Variants in CTNNA2 observed in about 807,000 individuals in gnomAD.
CTNNA2 encodes catenin alpha-2.
In CTNNA2, 42 loss-of-function variants were observed where a neutral mutation model predicts 101.0. That is an observed-to-expected ratio of 0.42 (90% CI 0.32 to 0.54). CTNNA2 has a LOEUF of 0.54. Among genes scored for constraint, CTNNA2 ranks in the 20% least tolerant of loss-of-function variants. The pLI is 0.14. For synonymous variants in CTNNA2, 450 were observed against 456.4 expected (o/e 0.99, Z 0.18); for missense variants, 871 against 1,223.1 (o/e 0.71, Z 4.29).
At chr2:79,540,127 A>G (rs1282560531) in intron 1 of CTNNA2, among the ~76,000 whole-genome samples, 1 of 152,164 alleles carries the variant, frequency 6.6e-6, no homozygotes, top group Non-Finnish European at 1.5e-5. Flanking sequence ...ATGAAAGAAT[A>G]ATTAAACTTA....
At chr2:80,182,384 T>C (rs891811372) in intron 7 of CTNNA2, among the ~76,000 whole-genome samples, 2 of 152,214 alleles carry the variant, frequency 1.3e-5, no homozygotes, top group African/African-American at 4.8e-5. Flanking sequence ...TGCTGGCAGC[T>C]AATTAAATGT....
At chr2:80,535,110 T>C (rs191267420) in intron 9 of CTNNA2, among the ~76,000 whole-genome samples, 34 of 152,326 alleles carry the variant, frequency 2.2e-4, no homozygotes, top group African/African-American at 8.2e-4. Context: ...AGGGGTAAAC[T>C]ACGCAAGTGA....
At chr2:79,535,156 C>T (rs934029126) in intron 1 of CTNNA2, among the ~76,000 whole-genome samples, 1 of 151,916 alleles carries the variant, frequency 6.6e-6, no homozygotes, top group Non-Finnish European at 1.5e-5. Flanking sequence ...GAGCTCTTAT[C>T]AGTCAATAAA....
chr2:80,048,493 A>G (rs1013778772), intron 7 of CTNNA2, among the ~76,000 whole-genome samples: 1 of 152,206 alleles, frequency 6.6e-6, no homozygotes, highest in Admixed American at 6.5e-5. Flanking sequence ...AGAAAATGAG[A>G]GTCAGCATAA....
At chr2:80,533,942 A>G (rs772103690) in intron 9 of CTNNA2, among the ~76,000 whole-genome samples, 3 of 152,160 alleles carry the variant, frequency 2.0e-5, no homozygotes, top group Non-Finnish European at 4.4e-5. Context: ...GCATTAGGTG[A>G]TGCTTTATTG....
chr2:80,261,946 C>T (rs1195633568), intron 7 of CTNNA2, among the ~76,000 whole-genome samples: 2 of 152,114 alleles, frequency 1.3e-5, no homozygotes. Context: ...AATGTGGTGA[C>T]ATCTGCAAAG....
In CTNNA2 at chr2:79,416,264, T is replaced by TTTTTTC. The variant is rs1558662099; in HGVS notation, c.-135+42256_-135+42257insCTTTTT. 9.2e-3 allele frequency among the ~76,000 whole-genome samples: 1,245 copies of TTTTTTC among 135,080 alleles called. 28 individuals carry two copies. The highest frequency in any genetic ancestry group is 0.034 in the African/African-American group (1,178 of 34,858). The allele number at this position is 135,080 out of a possible 152,430, so 88.6% of individuals were successfully genotyped here. A position where few individuals can be genotyped will look rare whatever the true frequency, so the allele number is the denominator to read the frequency against. ...GTCTTCTTCTTTCCTTTTCTTTTTT[T>TTTTTTC]TTTTTTTTTTTTTTTTTGGCCAATA... On this transcript the variant is annotated intron_variant, in intron 4 of 21. Coordinates refer to the CTNNA2 transcript ENST00000466387.
chr2:79,863,581 A>G (rs1431447120), intron 4 of CTNNA2, among the ~76,000 whole-genome samples: 1 of 152,222 alleles, frequency 6.6e-6, no homozygotes, highest in Non-Finnish European at 1.5e-5. Flanking sequence ...AGTCATTTAA[A>G]CAGGGAACAT....
At chr2:79,768,560 A>C (rs1462822765) in intron 3 of CTNNA2, among the ~76,000 whole-genome samples, 1 of 151,822 alleles carries the variant, frequency 6.6e-6, no homozygotes, top group Non-Finnish European at 1.5e-5. Context: ...CACAGTAAAT[A>C]TTTAATAACT....
chr2:79,469,198 T>C (rs1364705583), intron 4 of CTNNA2, among the ~76,000 whole-genome samples: 2 of 151,914 alleles, frequency 1.3e-5, no homozygotes, highest in Admixed American at 6.6e-5. Context: ...AAAGAGGATA[T>C]CACCTCTGAT....
chr2:80,608,178 T>C lies in CTNNA2; in HGVS notation c.2296-6T>C. On this transcript the variant is annotated splice_polypyrimidine_tract_variant and splice_region_variant and intron_variant, in intron 16 of 18. Coordinates refer to ENST00000402739, the MANE Select transcript of CTNNA2 (RefSeq NM_001282597.3). Reference sequence around the variant, plus strand: ...TAATCAAGATCACTCTTTTAATGTTTTATAGTGTCCTGATTCAGCATGTAA... The same window carrying C: ...TAATCAAGATCACTCTTTTAATGTTCTATAGTGTCCTGATTCAGCATGTAA... The C allele has an allele frequency of 6.2e-7, 1 of 1,605,802 alleles. No homozygotes were observed. Among genetic ancestry groups the C allele is most frequent in the Non-Finnish European group, 8.5e-7 (1 of 1,174,198 alleles).
chr2:79,795,923 T>C (rs949274975), intron 3 of CTNNA2, among the ~76,000 whole-genome samples: 2 of 152,178 alleles, frequency 1.3e-5, no homozygotes, highest in Non-Finnish European at 2.9e-5. Flanking sequence ...GAGTTCCTAG[T>C]ATTTGGACTC....
chr2:80,217,528 C>G (rs1708342168), intron 7 of CTNNA2, among the ~76,000 whole-genome samples: 1 of 152,082 alleles, frequency 6.6e-6, no homozygotes, highest in Admixed American at 6.6e-5. Flanking sequence ...TTGAGTGACA[C>G]TGAAAGCCCA....
chr2:79,695,756 G>T (rs1304402562), intron 2 of CTNNA2, among the ~76,000 whole-genome samples: 1 of 152,020 alleles, frequency 6.6e-6, no homozygotes, highest in Non-Finnish European at 1.5e-5. Context: ...GTTAATGGAG[G>T]TTAGAGAGGG....
intron 3 of CTNNA2, among the ~76,000 whole-genome samples, chr2:79,816,604 C>T (rs537857656): frequency 2.6e-5 from 4 of 152,150 alleles, no homozygotes; most frequent in African/African-American, 7.2e-5. Context: ...AGATCAACCC[C>T]GAGGCCATGG....
At chr2:79,969,781 G>A (rs1690345564) in intron 7 of CTNNA2, among the ~76,000 whole-genome samples, 1 of 147,154 alleles carries the variant, frequency 6.8e-6, no homozygotes, top group African/African-American at 2.7e-5. Context: ...TTATCTCTGT[G>A]TGTGATCAAT....
intron 2 of CTNNA2, among the ~76,000 whole-genome samples, chr2:79,259,762 G>A (rs1189471932): frequency 1.3e-5 from 2 of 152,088 alleles, no homozygotes; most frequent in Non-Finnish European, 2.9e-5. Flanking sequence ...TCAGGGCTTT[G>A]GTGGTGGACT....
At chr2:79,874,570 C>T (rs575632648) in intron 6 of CTNNA2, among the ~76,000 whole-genome samples, 3 of 152,150 alleles carry the variant, frequency 2.0e-5, no homozygotes, top group Non-Finnish European at 4.4e-5. Context: ...CCTGTAATCC[C>T]AGAACTTTGG....
intron 1 of CTNNA2, among the ~76,000 whole-genome samples, chr2:79,608,948 C>T (rs1678084187): frequency 6.6e-6 from 1 of 151,766 alleles, no homozygotes; most frequent in South Asian, 2.1e-4. Context: ...GGAAAGCATA[C>T]TAATTTGGAG....
Sources: gnomAD v4.1 joint callset for allele counts (sites outside exome capture counted in the v4.1 genomes callset) on GRCh38, gnomAD v4.1.1 for gene constraint, MANE v1.5 for transcripts, NCBI Gene and HGNC (gene_info 2026-07-23, HGNC 2026-07-21) for gene names.